The following FRMD8 variants were observed in gnomAD, a reference collection of about 807,000 sequenced individuals.
FRMD8 encodes FERM domain-containing protein 8.
A neutral mutation model predicts 54.2 loss-of-function variants in FRMD8; 37 were observed. The observed-to-expected ratio is 0.68, with a 90% CI of 0.53 to 0.90. The LOEUF (loss-of-function observed/expected upper bound fraction) is 0.90, where lower values mean the gene tolerates loss of function less well. Among genes scored for constraint, FRMD8 ranks in the 40% least tolerant of loss-of-function variants. The pLI, the probability that FRMD8 is intolerant of heterozygous loss-of-function variation, is 0.00. For missense variants in FRMD8, 585 were observed against 653.7 expected, an observed-to-expected ratio of 0.89 and a Z score of 1.15; for synonymous variants, 246 against 286.9, an observed-to-expected ratio of 0.86 and a Z score of 1.44.
At chr11:65,394,512 A>G (rs1202377395) in intron 6 of FRMD8, 87 bp downstream of exon 6, 24 of 1,465,004 alleles carry the variant, frequency 1.6e-5, no homozygotes, top group Middle Eastern at 2.2e-4. Context: ...TCAGTCTCGC[A>G]AGGTGGGGGC....
chr11:65,411,394 G>A lies in FRMD8; in HGVS notation c.*34G>A, dbSNP rs1484255830. ...CACCCGGCAGGAGGAGGGCGACTGG[G>A]GGCCCTGGCCCGGCACTGTCCTCCT... is the stretch of plus-strand genomic sequence containing the variant. On this transcript the variant is annotated 3_prime_UTR_variant, in exon 11 of 11. Coordinates refer to ENST00000317568, the MANE Select transcript of FRMD8 (RefSeq NM_031904.5). 6.9e-7 allele frequency: 1 copy of A among 1,439,454 alleles called. No individual in the cohort carries two copies. Among genetic ancestry groups the A allele is most frequent in the South Asian group, 1.3e-5 (1 of 79,418 alleles). 89.2% of individuals were successfully genotyped at this position (1,439,454 alleles called of 1,614,324 possible).
intron 6 of FRMD8, among the ~76,000 whole-genome samples, chr11:65,395,350 C>T (rs1398931851): frequency 3.3e-5 from 5 of 152,070 alleles, no homozygotes; most frequent in Non-Finnish European, 7.3e-5. Flanking sequence ...CAAGACCAGC[C>T]TCAACGTGGA....
At chr11:65,382,800 G>C (rs1056377870), upstream of FRMD8, 12 of 152,314 alleles carry the variant, frequency 7.9e-5, no homozygotes, top group African/African-American at 2.7e-4. This position sits in a 1 kb window ranked among gnomAD's most constrained non-coding sequence, Gnocchi z 4.4. Context: ...CAGGCCTGTG[G>C]ACTGGCTCTT....
chr11:65,408,851 T>A (rs1359509708), intron 10 of FRMD8, among the ~76,000 whole-genome samples: 2 of 151,220 alleles, frequency 1.3e-5, no homozygotes, highest in African/African-American at 4.9e-5. Flanking sequence ...GATCAAATGA[T>A]CCTCCCACCT....
chr11:65,371,693 C>A, the FRMD8 span, among the ~76,000 whole-genome samples: 124 of 152,360 alleles, frequency 8.1e-4, 1 homozygote, highest in African/African-American at 2.9e-3. Flanking sequence ...TGGCTCACTG[C>A]AACCTCCGCC....
At chr11:65,382,093 C>G (rs1027448863), upstream of FRMD8, 172 of 742,286 alleles carry the variant, frequency 2.3e-4, no homozygotes, top group Non-Finnish European at 2.6e-4. The surrounding 1 kb of genome is among the most constrained non-coding windows in gnomAD (Gnocchi z 4.4). Context: ...GTGCCCAGAC[C>G]TCCGGCAACT....
At chr11:65,395,502 G>A (rs1421793060) in intron 6 of FRMD8, among the ~76,000 whole-genome samples, 2 of 152,188 alleles carry the variant, frequency 1.3e-5, no homozygotes, top group Non-Finnish European at 2.9e-5. Context: ...TCAAGCCATT[G>A]CACTCTAGCC....
chr11:65,396,677 A>G lies in FRMD8; in HGVS notation c.582-122A>G, dbSNP rs949301699. 1.9e-5 allele frequency: 11 copies of G among 588,992 alleles called. 1 individual carries two copies. The African/African-American group carries it at 2.1e-4, about 11-fold the overall frequency. The allele number at this position is 588,992 out of a possible 1,614,324, so 36.5% of individuals were successfully genotyped here. ...GTCTCCCCTTGTGGGCTCCTTACCC[A>G]GCCTCTGACTTGGAAGTAGATGTGT... On this transcript the variant is annotated intron_variant, in intron 6 of 10. Transcript: ENST00000317568.
At chr11:65,395,481 G>T (rs1337843068) in intron 6 of FRMD8, among the ~76,000 whole-genome samples, 1 of 152,228 alleles carries the variant, frequency 6.6e-6, no homozygotes, top group Non-Finnish European at 1.5e-5. Flanking sequence ...GGAGGTTGCA[G>T]TGAGCCGAGA....
the FRMD8 span, among the ~76,000 whole-genome samples, chr11:65,374,504 T>G: frequency 3.9e-5 from 6 of 152,174 alleles, no homozygotes; most frequent in African/African-American, 1.4e-4. Context: ...CTGTGATTGT[T>G]TCTACAGGGA....
At chr11:65,395,961 C>T (rs889093452) in intron 6 of FRMD8, among the ~76,000 whole-genome samples, 4 of 152,168 alleles carry the variant, frequency 2.6e-5, no homozygotes, top group African/African-American at 9.7e-5. Flanking sequence ...CTGGGCCCAT[C>T]TCCTGGGCCT....
At chr11:65,374,551 G>A in the FRMD8 span, among the ~76,000 whole-genome samples, 1 of 152,198 alleles carries the variant, frequency 6.6e-6, no homozygotes, top group African/African-American at 2.4e-5. Context: ...GTCACCATGA[G>A]GTGGACTCAC....
intron 1 of FRMD8, 86 bp from the exon 2 acceptor site, chr11:65,386,951 C>T: frequency 8.2e-7 from 1 of 1,215,576 alleles, no homozygotes; most frequent in Non-Finnish European, 1.2e-6. Context: ...CCTGGGATCC[C>T]TTACCGTACT....
Position 65,394,318 on chromosome 11 carries a change from T to A in FRMD8, c.474T>A (p.Ala158=), listed in dbSNP as rs1855901825. 1.3e-6 allele frequency: 2 copies of A among 1,588,620 alleles called. No homozygotes were observed. Among genetic ancestry groups the A allele is most frequent in the African/African-American group, 1.3e-5 (1 of 74,190 alleles). The change falls in exon 6 of 11, where the codon GCT becomes GCA. Residue 158 remains alanine, a synonymous_variant. Coordinates refer to ENST00000317568, the MANE Select transcript of FRMD8 (RefSeq NM_031904.5). ...LYEEAKGNVL[A]ARYPCDVEDC... ...AGGAGGCCAAGGGCAACGTGCTGGCTGCACGGTACCCGTGCGACGTGGAGG... is the reference window on the plus strand; with the variant it reads ...AGGAGGCCAAGGGCAACGTGCTGGCAGCACGGTACCCGTGCGACGTGGAGG...
rs183050978 is a variant in FRMD8, at chr11:65,411,594, G to A, written c.*234G>A. 2.7e-4 allele frequency: 113 copies of A among 422,408 alleles called. No individual in the cohort carries two copies. Among genetic ancestry groups the A allele is most frequent in the African/African-American group, 1.7e-3 (85 of 49,200 alleles). The allele number at this position is 422,408 out of a possible 1,614,324, so 26.2% of individuals were successfully genotyped here. A position where few individuals can be genotyped will look rare whatever the true frequency, so the allele number is the denominator to read the frequency against. On this transcript the variant is annotated 3_prime_UTR_variant, in exon 11 of 11. Transcript: ENST00000317568. Reference sequence around the variant, plus strand: ...TCTGCAGCCTGCCCTCCCTTCCCCCGGATGCTGGGCCCTGCTGCTCTCTCA... The same window carrying A: ...TCTGCAGCCTGCCCTCCCTTCCCCCAGATGCTGGGCCCTGCTGCTCTCTCA...
At chr11:65,376,858 T>C in the FRMD8 span, 1 of 1,614,218 alleles carries the variant, frequency 6.2e-7, no homozygotes, top group East Asian at 2.2e-5. Context: ...GACAGAGCCC[T>C]TCATAGGTGA....
the FRMD8 span, among the ~76,000 whole-genome samples, chr11:65,369,180 C>T: frequency 6.6e-6 from 1 of 152,148 alleles, no homozygotes; most frequent in South Asian, 2.1e-4. Context: ...ACAAACTCCC[C>T]AGGTGATTCC....
chr11:65,391,913 C>T (rs1251531928), intron 3 of FRMD8, among the ~76,000 whole-genome samples: 2 of 152,170 alleles, frequency 1.3e-5, no homozygotes, highest in African/African-American at 2.4e-5. Flanking sequence ...AGGCACTGTG[C>T]CTTCCCCAGC....
chr11:65,368,653 TC>T, the FRMD8 span, among the ~76,000 whole-genome samples: 1 of 152,220 alleles, frequency 6.6e-6, no homozygotes, highest in East Asian at 1.9e-4. Flanking sequence ...AAGCTCTGCC[TC>T]CCGGGTTCAC....
Sources: allele counts gnomAD v4.1 joint callset (sites outside exome capture counted in the v4.1 genomes callset), GRCh38; gene constraint gnomAD v4.1.1; non-coding constraint Gnocchi (gnomAD v3.1); transcripts MANE v1.5; gene names NCBI Gene and HGNC (gene_info 2026-07-23, HGNC 2026-07-21).